SMCO4: variants seen among roughly 807,000 people sequenced by gnomAD.
SMCO4 encodes the protein single-pass membrane protein with coiled-coil domains 4, also known as single-pass membrane and coiled-coil domain-containing protein 4.
SMCO4 carries 4 observed loss-of-function variants against 3.6 expected under a neutral mutation model. The ratio of observed to expected loss-of-function variants is 1.11; its 90% CI spans 0.54 to 2.53. SMCO4 has a LOEUF of 2.53. SMCO4 is among the 30% of genes most tolerant of loss of function. The probability of loss-of-function intolerance (pLI) is 0.02; values close to 1 mark genes in which losing one functional copy is unlikely to be tolerated. For missense variants in SMCO4, 70 were observed against 80.8 expected, an observed-to-expected ratio of 0.87 and a Z score of 0.51; for synonymous variants, 36 against 35.3, an observed-to-expected ratio of 1.02 and a Z score of -0.07.
chr11:93,487,844 T>A (rs187045934), intron 2 of SMCO4, among the ~76,000 whole-genome samples: 1 of 152,368 alleles, frequency 6.6e-6, no homozygotes. Context: ...CCTGGGCAAG[T>A]AACTTAACCT....
rs551822459 is a variant in SMCO4, at chr11:93,509,316, G to T, written c.-153-9968C>A. 2.7e-5 allele frequency among the ~76,000 whole-genome samples: 4 copies of T among 149,826 alleles called. No homozygotes were observed. The South Asian group carries it at 8.4e-4, about 31-fold the overall frequency. ...AAAATGGAAAAAAAAAAAAAAAGTTGCTCACAAGGGGCTTACAAACAGCCA... is the reference window on the plus strand; with the variant it reads ...AAAATGGAAAAAAAAAAAAAAAGTTTCTCACAAGGGGCTTACAAACAGCCA... On this transcript the variant is annotated intron_variant, in intron 1 of 2. Coordinates refer to ENST00000298966, the MANE Select transcript of SMCO4 (RefSeq NM_020179.3).
chr11:93,552,063 C>T, the SMCO4 span, among the ~76,000 whole-genome samples: 1 of 151,320 alleles, frequency 6.6e-6, no homozygotes, highest in African/African-American at 2.4e-5. Flanking sequence ...ATATTGAGAG[C>T]CATAGAGCCA....
chr11:93,482,709 G>A (rs968827836), intron 2 of SMCO4, among the ~76,000 whole-genome samples: 8 of 152,158 alleles, frequency 5.3e-5, no homozygotes, highest in Middle Eastern at 3.2e-3. Context: ...TTCCTTCCTC[G>A]GGAATATTTG....
chr11:93,515,509 G>A (rs934568598), intron 1 of SMCO4, among the ~76,000 whole-genome samples: 1 of 152,188 alleles, frequency 6.6e-6, no homozygotes, highest in Non-Finnish European at 1.5e-5. Context: ...TGTTACTCAG[G>A]ACCCTTGGTT....
chr11:93,531,041 G>C (rs1209422338), intron 1 of SMCO4, among the ~76,000 whole-genome samples: 1 of 152,320 alleles, frequency 6.6e-6, no homozygotes, highest in Admixed American at 6.5e-5. Context: ...ACTTGACTGG[G>C]CCATGGGTGC....
intron 1 of SMCO4, among the ~76,000 whole-genome samples, chr11:93,527,251 AC>A (rs1949117327): frequency 1.3e-5 from 2 of 152,172 alleles, no homozygotes; most frequent in South Asian, 4.1e-4. Context: ...GTTATATACC[AC>A]AGATCCCAGG....
At chr11:93,510,053 G>A (rs11020392) in intron 1 of SMCO4, among the ~76,000 whole-genome samples, 33,550 of 152,108 alleles carry the variant, frequency 0.22, 4,026 homozygotes, top group East Asian at 0.4. Flanking sequence ...ACAGGAGACC[G>A]CGTCAAGTTT....
intron 1 of SMCO4, among the ~76,000 whole-genome samples, chr11:93,513,973 T>C (rs2399672): frequency 0.014 from 2,198 of 152,242 alleles, 107 homozygotes; most frequent in East Asian, 0.14. Context: ...CTGTTTCCTC[T>C]ACTAACCAAG....
At chr11:93,535,694 T>C in intron 1 of SMCO4, 17 of 1,613,360 alleles carry the variant, frequency 1.1e-5, no homozygotes, top group Non-Finnish European at 1.4e-5. Flanking sequence ...TCCGAGGAAG[T>C]GAATAAGTTT....
chr11:93,541,519 C>T (rs1025101918), intron 1 of SMCO4, among the ~76,000 whole-genome samples: 1 of 152,164 alleles, frequency 6.6e-6, no homozygotes, highest in African/African-American at 2.4e-5. Context: ...TGAGGATGTT[C>T]TTCAGACAAA....
chr11:93,519,281 T>G (rs1049496977), intron 1 of SMCO4, among the ~76,000 whole-genome samples: 2 of 151,860 alleles, frequency 1.3e-5, no homozygotes, highest in African/African-American at 4.8e-5. Flanking sequence ...TTAAATTACA[T>G]GAAAAAAAGA....
At chr11:93,522,558 C>T (rs1431065110) in intron 1 of SMCO4, among the ~76,000 whole-genome samples, 2 of 152,208 alleles carry the variant, frequency 1.3e-5, no homozygotes, top group Non-Finnish European at 2.9e-5. Flanking sequence ...CGTTGTATTC[C>T]ACATGGAAGT....
rs1031475018 is a variant in SMCO4 at position 93,501,803 on chromosome 11, T to C, written c.-153-2455A>G. Among the ~76,000 whole-genome samples the C allele has an allele frequency of 3.9e-5, 6 of 152,158 alleles. No homozygotes were observed. In the South Asian group the frequency reaches 1.2e-3, roughly 32 times the overall value. ...GGTATTGTTGAATTTGTGCATGACC[T>C]GCTGCACATGGTGTATACTGTACCT... On this transcript the variant is annotated intron_variant, in intron 1 of 2. Coordinates refer to ENST00000298966, the MANE Select transcript of SMCO4 (RefSeq NM_020179.3).
chr11:93,487,454 A>T (rs2134576188), intron 2 of SMCO4, among the ~76,000 whole-genome samples: 1 of 152,286 alleles, frequency 6.6e-6, no homozygotes, highest in African/African-American at 2.4e-5. Context: ...GGAGGGGAGG[A>T]GGGATCATAG....
the SMCO4 span, among the ~76,000 whole-genome samples, chr11:93,551,116 T>C: frequency 6.6e-6 from 1 of 152,170 alleles, no homozygotes; most frequent in Non-Finnish European, 1.5e-5. Flanking sequence ...AAAAAAGACA[T>C]ATACTCCTTT....
intron 1 of SMCO4, among the ~76,000 whole-genome samples, chr11:93,525,869 A>G (rs746524481): frequency 6.6e-6 from 1 of 152,234 alleles, no homozygotes; most frequent in Non-Finnish European, 1.5e-5. Flanking sequence ...GCACTGCAAC[A>G]GTGATGACTC....
At chr11:93,544,833 G>A (rs1248101078), upstream of SMCO4, among the ~76,000 whole-genome samples, 2 of 152,130 alleles carry the variant, frequency 1.3e-5, no homozygotes, top group African/African-American at 2.4e-5. Context: ...AAGGAAATAA[G>A]GAAATACCTG....
intron 1 of SMCO4, among the ~76,000 whole-genome samples, chr11:93,531,928 T>A (rs116999111): frequency 6.6e-6 from 1 of 152,192 alleles, no homozygotes; most frequent in Non-Finnish European, 1.5e-5. Context: ...CTTATCTACC[T>A]ATAAGCTGGA....
chr11:93,535,485 G>C (rs1949212838), intron 1 of SMCO4: 2 of 1,403,416 alleles, frequency 1.4e-6, no homozygotes, highest in Admixed American at 1.7e-5. Flanking sequence ...TTGTTGGAGA[G>C]CGAGCAGCTC....
Sources: gnomAD v4.1 joint callset for allele counts (sites outside exome capture counted in the v4.1 genomes callset) on GRCh38, gnomAD v4.1.1 for gene constraint, MANE v1.5 for transcripts, NCBI Gene and HGNC (gene_info 2026-07-23, HGNC 2026-07-21) for gene names.